Variants in MAML2 observed in about 807,000 individuals in gnomAD.
MAML2 encodes mastermind-like protein 2.
MAML2 carries 22 observed loss-of-function variants against 96.1 expected under a neutral mutation model. The ratio of observed to expected loss-of-function variants is 0.23; its 90% CI spans 0.16 to 0.33. MAML2 has a LOEUF of 0.33. Ranked by LOEUF, MAML2 falls within the 10% of genes least tolerant of loss-of-function variation. The pLI is 1.00. For synonymous variants in MAML2, 561 were observed against 521.3 expected (o/e 1.08, Z -1.04); for missense variants, 1,367 against 1,392.4 (o/e 0.98, Z 0.29).
intron 1 of MAML2, among the ~76,000 whole-genome samples, chr11:96,116,492 C>G (rs1212570353): frequency 6.6e-6 from 1 of 152,196 alleles, no homozygotes; most frequent in East Asian, 1.9e-4. Context: ...TTTCTGTGTT[C>G]TACTCTGGTC....
At position 96,283,236 on chromosome 11, in the gene MAML2, C is replaced by T. The variant is rs564100822; in HGVS notation, c.513+58147G>A. On this transcript the variant is annotated intron_variant, in intron 1 of 4. Coordinates refer to ENST00000524717, the MANE Select transcript of MAML2 (RefSeq NM_032427.4). Reference sequence around the variant, plus strand: ...GTTAAACTTTGTGCTCTCTACAGACCTTGCTGTCCACACCAAAAATGCAAT... The same window carrying T: ...GTTAAACTTTGTGCTCTCTACAGACTTTGCTGTCCACACCAAAAATGCAAT... 5.3e-5 allele frequency among the ~76,000 whole-genome samples: 8 copies of T among 152,278 alleles called. No individual in the cohort carries two copies. The South Asian group carries it at 1.7e-3, about 32-fold the overall frequency.
chr11:96,094,163 A>G (rs1051935518), intron 1 of MAML2, among the ~76,000 whole-genome samples: 2 of 152,220 alleles, frequency 1.3e-5, no homozygotes, highest in African/African-American at 4.8e-5. Flanking sequence ...CACAAAAGTC[A>G]TGAGATGATC....
At chr11:96,148,243 G>A (rs1483958313) in intron 1 of MAML2, among the ~76,000 whole-genome samples, 1 of 151,944 alleles carries the variant, frequency 6.6e-6, no homozygotes, top group Non-Finnish European at 1.5e-5. Flanking sequence ...CCTGTCTCCC[G>A]TGGACATAAA....
chr11:96,033,405 C>A (rs181411766), intron 2 of MAML2, among the ~76,000 whole-genome samples: 64 of 152,312 alleles, frequency 4.2e-4, no homozygotes, highest in Admixed American at 4.2e-3. Context: ...TACCACAGTG[C>A]CTGTTAAAAT....
intron 2 of MAML2, among the ~76,000 whole-genome samples, chr11:96,032,596 A>AAG (rs1197036000): frequency 5.9e-5 from 9 of 151,918 alleles, no homozygotes; most frequent in African/African-American, 2.2e-4. Context: ...CAAAAAAAAA[A>AAG]AAAAAAAAAA....
intron 1 of MAML2, among the ~76,000 whole-genome samples, chr11:96,208,093 T>C (rs909937299): frequency 3.3e-5 from 5 of 152,224 alleles, no homozygotes; most frequent in South Asian, 4.1e-4. Context: ...TTAAAAAAGA[T>C]TTATTTTCTG....
At chr11:96,137,699 AG>A (rs1456540104) in intron 1 of MAML2, among the ~76,000 whole-genome samples, 1 of 152,206 alleles carries the variant, frequency 6.6e-6, no homozygotes, top group Non-Finnish European at 1.5e-5. Context: ...GACGGTGGGC[AG>A]GGGAGACAGA....
At chr11:96,219,417 T>C (rs1189514568) in intron 1 of MAML2, among the ~76,000 whole-genome samples, 1 of 152,206 alleles carries the variant, frequency 6.6e-6, no homozygotes, top group Non-Finnish European at 1.5e-5. Flanking sequence ...TTATCGTTTA[T>C]ACAGTTCATT....
At chr11:96,195,184 C>T (rs1169952213) in intron 1 of MAML2, among the ~76,000 whole-genome samples, 1 of 152,118 alleles carries the variant, frequency 6.6e-6, no homozygotes, top group African/African-American at 2.4e-5. Context: ...AATATTCATG[C>T]ATTCAAATTA....
intron 1 of MAML2, among the ~76,000 whole-genome samples, chr11:96,332,462 G>C (rs1015527923): frequency 1.3e-5 from 2 of 152,220 alleles, no homozygotes; most frequent in African/African-American, 4.8e-5. Flanking sequence ...CACATGCAAA[G>C]AATCTAAGGG....
chr11:96,260,968 A>G (rs1048831694), intron 1 of MAML2, among the ~76,000 whole-genome samples: 1 of 152,158 alleles, frequency 6.6e-6, no homozygotes, highest in Non-Finnish European at 1.5e-5. Context: ...AATATAGCAT[A>G]TCATGGAGCC....
At chr11:96,019,008 G>A (rs1476687138) in intron 2 of MAML2, among the ~76,000 whole-genome samples, 2 of 152,184 alleles carry the variant, frequency 1.3e-5, no homozygotes, top group Admixed American at 6.5e-5. Flanking sequence ...GAGACAAAAT[G>A]AGAAGAGAAG....
At chr11:96,123,657 G>A (rs969278491) in intron 1 of MAML2, among the ~76,000 whole-genome samples, 1 of 152,160 alleles carries the variant, frequency 6.6e-6, no homozygotes, top group Non-Finnish European at 1.5e-5. Context: ...CAAGTGGTGA[G>A]GTAGGAAACA....
Position 96,319,076 on chromosome 11 carries a change from G to A in MAML2, c.513+22307C>T, listed in dbSNP as rs1329962152. 3.3e-5 allele frequency among the ~76,000 whole-genome samples: 5 copies of A among 152,184 alleles called. No individual in the cohort carries two copies. In the South Asian group the frequency reaches 6.2e-4, roughly 19 times the overall value. ...TTGTAAATGCTGTGGCTTCTATACTGATCTCTCTCTTGGATCACTGTTTCT... is the reference window on the plus strand; with the variant it reads ...TTGTAAATGCTGTGGCTTCTATACTAATCTCTCTCTTGGATCACTGTTTCT... On this transcript the variant is annotated intron_variant, in intron 1 of 4. Transcript: ENST00000524717.
chr11:96,279,867 CT>C (rs1277084611), intron 1 of MAML2, among the ~76,000 whole-genome samples: 6 of 152,114 alleles, frequency 3.9e-5, no homozygotes, highest in Admixed American at 3.9e-4. Context: ...GAACTGAGCA[CT>C]TTATAATGGA....
Position 96,179,654 on chromosome 11 carries a change from A to G in MAML2, c.514-86137T>C, listed in dbSNP as rs532750479. Among the ~76,000 whole-genome samples, 83 of 152,340 alleles carry G rather than the reference A, an allele frequency of 5.4e-4. 1 individual carries two copies. The highest frequency in any genetic ancestry group is 1.9e-3 in the African/African-American group (80 of 41,574). ...CACAAAACAAAAATAAAAAACAAAA[A>G]GCCAGCAACCATCACTCCTACTTCA... On this transcript the variant is annotated intron_variant, in intron 1 of 4. Transcript: ENST00000524717.
chr11:96,038,890 T>G (rs1350370934), intron 2 of MAML2, among the ~76,000 whole-genome samples: 1 of 152,232 alleles, frequency 6.6e-6, no homozygotes, highest in Non-Finnish European at 1.5e-5. Flanking sequence ...GCACTTAGTA[T>G]AGTATGTGGC....
At chr11:96,166,299 G>A (rs550164275) in intron 1 of MAML2, among the ~76,000 whole-genome samples, 2 of 151,924 alleles carry the variant, frequency 1.3e-5, no homozygotes, top group East Asian at 3.9e-4. Context: ...CAACTGAATT[G>A]AGTGAGTCAG....
intron 1 of MAML2, among the ~76,000 whole-genome samples, chr11:96,220,798 T>C (rs188392406): frequency 6.6e-6 from 1 of 152,266 alleles, no homozygotes; most frequent in Admixed American, 6.5e-5. Flanking sequence ...TACTGGATTT[T>C]TCAAAATAGC....
Sources: allele counts gnomAD v4.1 joint callset (sites outside exome capture counted in the v4.1 genomes callset), GRCh38; gene constraint gnomAD v4.1.1; transcripts MANE v1.5; gene names NCBI Gene and HGNC (gene_info 2026-07-23, HGNC 2026-07-21).